Variants in RHOBTB2 observed in about 807,000 individuals in gnomAD.
The protein encoded by RHOBTB2 is rho-related BTB domain-containing protein 2.
RHOBTB2 carries 39 observed loss-of-function variants against 66.5 expected under a neutral mutation model. That is an observed-to-expected ratio of 0.59 (90% CI 0.45 to 0.77). The LOEUF is 0.77. Ranked by LOEUF, RHOBTB2 falls within the 30% of genes least tolerant of loss-of-function variation. The probability of loss-of-function intolerance (pLI) is 0.00; values close to 1 mark genes in which losing one functional copy is unlikely to be tolerated. For synonymous variants in RHOBTB2, 390 were observed against 395.0 expected (o/e 0.99, Z 0.15); for missense variants, 755 against 999.1 (o/e 0.76, Z 3.29).
chr8:23,000,921 A>C (rs1810758324), intron 1 of RHOBTB2, among the ~76,000 whole-genome samples: 1 of 151,654 alleles, frequency 6.6e-6, no homozygotes, highest in Non-Finnish European at 1.5e-5. Context: ...AGACTAGGGC[A>C]GCCACAGATG....
At position 23,017,516 on chromosome 8, in the gene RHOBTB2, C is replaced by T. The variant is rs1811332730; in HGVS notation, c.*47C>T. The T allele has an allele frequency of 6.5e-7, 1 of 1,550,212 alleles. No individual in the cohort carries two copies. Among genetic ancestry groups the T allele is most frequent in the Non-Finnish European group, 8.7e-7 (1 of 1,146,684 alleles). ...CCCTGCTGCTGTTGTCCCCATCCGC[C>T]TTCACCCCTCTGCTCTTCCGCATCA... On this transcript the variant is annotated 3_prime_UTR_variant, in exon 10 of 10. Coordinates refer to ENST00000251822, the MANE Select transcript of RHOBTB2 (RefSeq NM_015178.3). The surrounding 1 kb of genome is among the most constrained non-coding windows in gnomAD (Gnocchi z 5.3).
chr8:22,988,517 T>C (rs1810344010), intron 1 of RHOBTB2, among the ~76,000 whole-genome samples: 1 of 152,200 alleles, frequency 6.6e-6, no homozygotes, highest in South Asian at 2.1e-4. Context: ...CATTCATGGC[T>C]CCACCCAACT....
At chr8:23,015,775 G>GCTGC (rs1257458065) in intron 9 of RHOBTB2, 32 bp downstream of exon 9, 10 of 1,443,986 alleles carry the variant, frequency 6.9e-6, no homozygotes, top group Non-Finnish European at 9.7e-6. Flanking sequence ...GGCAGTACCT[G>GCTGC]CTGCCCTCCC....
chr8:22,953,977 T>C, the RHOBTB2 span, among the ~76,000 whole-genome samples: 1 of 152,240 alleles, frequency 6.6e-6, no homozygotes, highest in Non-Finnish European at 1.5e-5. Context: ...CCTATTGTCA[T>C]GTAGGAAGAG....
the RHOBTB2 span, among the ~76,000 whole-genome samples, chr8:22,969,339 T>C: frequency 1.3e-5 from 2 of 152,020 alleles, no homozygotes. Flanking sequence ...CAAGATGAGA[T>C]TTGGGTGGAG....
intron 1 of RHOBTB2, among the ~76,000 whole-genome samples, chr8:22,991,333 G>A (rs1044428556): frequency 5.3e-5 from 8 of 152,148 alleles, no homozygotes; most frequent in African/African-American, 1.4e-4. Context: ...TCTGTGAGCT[G>A]TACAAGCCAG....
chr8:22,968,117 T>C, the RHOBTB2 span, among the ~76,000 whole-genome samples: 1 of 151,626 alleles, frequency 6.6e-6, no homozygotes, highest in Non-Finnish European at 1.5e-5. Context: ...ATCAAACCAC[T>C]GTACTTCAGC....
Position 23,007,503 on chromosome 8 carries a change from TC to T in RHOBTB2, c.1260del (p.Ile421SerfsTer18). ...GATGGTGGTGGTGAAGATGGACAGTTCCATCCAGCCGGGGCCCTTCCGGGCT... is the reference window on the plus strand; with the variant it reads ...GATGGTGGTGGTGAAGATGGACAGTTCATCCAGCCGGGGCCCTTCCGGGCT... ...RLMVVVKMDS[S>X]IQPGPFRAVL... On this transcript the variant is annotated frameshift_variant, in exon 5 of 10. Transcript: ENST00000251822. LOFTEE classifies it high-confidence loss of function. 1 of 1,613,968 alleles carries T rather than the reference TC, an allele frequency of 6.2e-7. No individual in the cohort carries two copies. The highest frequency in any genetic ancestry group is 8.5e-7 in the Non-Finnish European group (1 of 1,179,960).
At chr8:22,978,842 A>T in the RHOBTB2 span, among the ~76,000 whole-genome samples, 3 of 152,142 alleles carry the variant, frequency 2.0e-5, no homozygotes, top group Admixed American at 6.5e-5. Context: ...TGGTATTCAG[A>T]TGTTGAAATC....
upstream of RHOBTB2, among the ~76,000 whole-genome samples, chr8:22,986,138 AC>A: frequency 8.5e-6 from 1 of 117,688 alleles, no homozygotes; most frequent in African/African-American, 4.0e-5. Flanking sequence ...AGGACGGTGG[AC>A]TTCTCTCTCT....
At chr8:22,995,707 G>T (rs1810531860), upstream of RHOBTB2, 6 of 731,988 alleles carry the variant, frequency 8.2e-6, no homozygotes, top group Middle Eastern at 3.1e-4. Context: ...ATCTTGAAAT[G>T]CCTCTGCTTT....
At chr8:23,011,308 C>T (rs1811140576) in intron 7 of RHOBTB2, among the ~76,000 whole-genome samples, 1 of 152,192 alleles carries the variant, frequency 6.6e-6, no homozygotes. Flanking sequence ...CTTTGCTTGG[C>T]TTCACTTGGA....
intron 1 of RHOBTB2, among the ~76,000 whole-genome samples, chr8:23,003,607 G>A (rs535224820): frequency 2.4e-4 from 37 of 152,330 alleles, no homozygotes; most frequent in Non-Finnish European, 4.3e-4. Flanking sequence ...ACAGCCCCCC[G>A]TAGGGGAAGT....
chr8:23,005,529 G>A, intron 3 of RHOBTB2, 54 bp downstream of exon 3: 27 of 1,167,648 alleles, frequency 2.3e-5, no homozygotes, highest in Non-Finnish European at 3.4e-5. Flanking sequence ...GTTTTTCCCT[G>A]CTTTTCCCAG....
chr8:22,953,440 A>G, the RHOBTB2 span, among the ~76,000 whole-genome samples: 120,815 of 149,240 alleles, frequency 0.81, 49,121 homozygotes, highest in African/African-American at 0.88. Flanking sequence ...TTGGGGTGGG[A>G]GGGACCCTCT....
intron 1 of RHOBTB2, among the ~76,000 whole-genome samples, chr8:23,003,537 G>A (rs1181309724): frequency 6.6e-6 from 1 of 152,236 alleles, no homozygotes; most frequent in Non-Finnish European, 1.5e-5. Context: ...GGAATGGGAA[G>A]GGCAGAAGAG....
At chr8:22,990,078 T>C (rs1367588300) in intron 1 of RHOBTB2, among the ~76,000 whole-genome samples, 1 of 152,234 alleles carries the variant, frequency 6.6e-6, no homozygotes, top group African/African-American at 2.4e-5. Flanking sequence ...ATTAGTATTA[T>C]TAGACTTAAG....
upstream of RHOBTB2, among the ~76,000 whole-genome samples, chr8:22,985,845 C>G (rs991354222): frequency 7.2e-5 from 11 of 152,266 alleles, 1 homozygote; most frequent in Admixed American, 2.6e-4. Context: ...CATGTAAGGG[C>G]ATTGTTTCTA....
rs374511325 is a variant in RHOBTB2 at position 23,008,028 on chromosome 8, G to A, written c.1537G>A (p.Ala513Thr). ...CATCCTGGATGATGGCACCATCAGCGCCCACAAGCCCCTGTTGATTTCCAG... is the reference window on the plus strand; with the variant it reads ...CATCCTGGATGATGGCACCATCAGCACCCACAAGCCCCTGTTGATTTCCAG... ...TFILDDGTIS[A>T]HKPLLISSCD... Residue 513 changes from alanine to threonine, a missense_variant, in exon 6 of 10, where the codon GCC becomes ACC. Transcript: ENST00000251822. 2.1e-5 allele frequency: 34 copies of A among 1,613,616 alleles called. No individual in the cohort carries two copies. Among genetic ancestry groups the A allele is most frequent in the African/African-American group, 6.7e-5 (5 of 74,840 alleles).
Sources: gnomAD v4.1 joint callset for allele counts (sites outside exome capture counted in the v4.1 genomes callset) on GRCh38, gnomAD v4.1.1 for gene constraint, Gnocchi (gnomAD v3.1) non-coding constraint, MANE v1.5 for transcripts, NCBI Gene and HGNC (gene_info 2026-07-23, HGNC 2026-07-21) for gene names.